Variants in P2RY8 observed in about 807,000 individuals in gnomAD.
The protein encoded by P2RY8 is S-geranylgeranyl-glutathione receptor P2RY8.
In P2RY8, 6 loss-of-function variants were observed where a neutral mutation model predicts 10.0. The observed-to-expected ratio is 0.60, with a 90% confidence interval of 0.33 to 1.19. The LOEUF (loss-of-function observed/expected upper bound fraction) is 1.19. Among genes scored for constraint, P2RY8 ranks in the 50% most tolerant of loss-of-function variants. The probability of loss-of-function intolerance (pLI) is 0.04; values close to 1 mark genes in which losing one functional copy is unlikely to be tolerated. For synonymous variants in P2RY8, 276 were observed against 252.5 expected, an observed-to-expected ratio of 1.09 and a Z score of -0.88; for missense variants, 456 against 542.0, an observed-to-expected ratio of 0.84 and a Z score of 1.58.
Position 1,502,881 on chromosome X carries a change from A to G in P2RY8, c.-25+34040T>C, listed in dbSNP as rs376126034. On this transcript the variant is annotated intron_variant, in intron 1 of 1. Coordinates refer to ENST00000381297, the MANE Select transcript of P2RY8 (RefSeq NM_178129.5). Reference sequence around the variant, plus strand: ...CTGGAGCCCCCAGGAGCTGGGAGAGACAGGAAGGAGCCTCCGGAGGGAACT... The same window carrying G: ...CTGGAGCCCCCAGGAGCTGGGAGAGGCAGGAAGGAGCCTCCGGAGGGAACT... Among the ~76,000 whole-genome samples the G allele has an allele frequency of 2.4e-4, 36 of 149,960 alleles. 1 individual carries two copies. The highest frequency in any genetic ancestry group is 4.2e-4 in the South Asian group (2 of 4,722).
chrX:1,467,921 C>A (rs1365337572), intron 1 of P2RY8, among the ~76,000 whole-genome samples: 1 of 152,144 alleles, frequency 6.6e-6, no homozygotes, highest in Non-Finnish European at 1.5e-5. Flanking sequence ...TCAAGCAATC[C>A]TCCTGCCTCA....
At chrX:1,472,454 G>A (rs67874407) in intron 1 of P2RY8, among the ~76,000 whole-genome samples, 57,633 of 116,878 alleles carry the variant, frequency 0.49, 14,574 homozygotes, top group South Asian at 0.62. Context: ...ATGGGTGGGT[G>A]AGTGGATGAG....
At chrX:1,466,719 C>CCTCT in intron 1 of P2RY8, 137 bp from the exon 2 acceptor site, 3 of 702,898 alleles carry the variant, frequency 4.3e-6, no homozygotes, top group Non-Finnish European at 6.9e-6. Flanking sequence ...CTCCTCCCTC[C>CCTCT]CTCCCTCCCT....
chrX:1,486,926 C>A (rs1379919338), intron 1 of P2RY8, among the ~76,000 whole-genome samples: 1 of 152,232 alleles, frequency 6.6e-6, no homozygotes. Flanking sequence ...CCGGTCACAG[C>A]CAGGCTGACC....
chrX:1,469,299 G>A (rs1406056838), intron 1 of P2RY8, among the ~76,000 whole-genome samples: 2 of 150,454 alleles, frequency 1.3e-5, no homozygotes, highest in African/African-American at 4.9e-5. Flanking sequence ...GAGTAGCTGG[G>A]ATTACATGCA....
chrX:1,525,397 C>T (rs1297074980), intron 1 of P2RY8, among the ~76,000 whole-genome samples: 71 of 152,268 alleles, frequency 4.7e-4, no homozygotes, highest in African/African-American at 1.6e-3. Flanking sequence ...GGGACGCAGA[C>T]ATGCACAGAG....
At chrX:1,509,803 A>ATCATGTATCCATCCAT (rs2092284093) in intron 1 of P2RY8, among the ~76,000 whole-genome samples, 4 of 63,340 alleles carry the variant, frequency 6.3e-5, no homozygotes, top group African/African-American at 1.7e-4. Flanking sequence ...CATCCTATCT[A>ATCATGTATCCATCCAT]TCTATCTATC....
chrX:1,465,998 C>T lies in P2RY8; in HGVS notation c.561G>A (p.Val187=), dbSNP rs200621653. ...TGAAGAGGAACACGGCCCACATGGC[C>T]ACGCTGGGGAGCATCGTCCACTTGA... ...DVLKWTMLPS[V]AMWAVFLFTI... Residue 187 remains valine, a synonymous_variant, in exon 2 of 2, where the codon GTG becomes GTA. Transcript: ENST00000381297. The T allele has an allele frequency of 8.1e-6, 13 of 1,612,194 alleles. No individual in the cohort carries two copies. The highest frequency in any genetic ancestry group is 3.9e-4 in the Middle Eastern group (2 of 5,100).
At chrX:1,488,747 T>TGTGC (rs2092011299) in intron 1 of P2RY8, among the ~76,000 whole-genome samples, 1 of 151,858 alleles carries the variant, frequency 6.6e-6, no homozygotes, top group South Asian at 2.1e-4. Context: ...TGTGTGTGTG[T>TGTGC]GTGTGTGTGT....
Position 1,537,012 on chromosome X carries a change from G to A in P2RY8, c.-116C>T. On this transcript the variant is annotated 5_prime_UTR_variant, in exon 1 of 2. Transcript: ENST00000381297. Reference sequence around the variant, plus strand: ...CGCTTAAGTCGACGGCCGTGCCTCAGAGCCCGGGACTCGGGGGGCCAGCCA... The same window carrying A: ...CGCTTAAGTCGACGGCCGTGCCTCAAAGCCCGGGACTCGGGGGGCCAGCCA... 1 of 232,408 alleles carries A rather than the reference G, an allele frequency of 4.3e-6. No homozygotes were observed. Among genetic ancestry groups the A allele is most frequent in the Non-Finnish European group, 8.5e-6 (1 of 117,552 alleles). The allele number at this position is 232,408 out of a possible 1,614,324, so 14.4% of individuals were successfully genotyped here.
chrX:1,480,896 C>A, intron 1 of P2RY8, among the ~76,000 whole-genome samples: 1 of 150,118 alleles, frequency 6.7e-6, no homozygotes, highest in African/African-American at 2.5e-5. Flanking sequence ...TCTTAAGATT[C>A]AACCACTGGA....
Position 1,466,544 on chromosome X carries a change from G to C in P2RY8, c.15C>G (p.Asn5Lys). 6.2e-7 allele frequency: 1 copy of C among 1,606,740 alleles called. No individual in the cohort carries two copies. Among genetic ancestry groups the C allele is most frequent in the Non-Finnish European group, 8.5e-7 (1 of 1,178,696 alleles). Residue 5 changes from asparagine (N) to lysine (K), a missense_variant, in exon 2 of 2, where the codon AAC becomes AAG. Asn to Lys is a moderately conservative substitution (Grantham distance 94). Transcript: ENST00000381297. Reference protein sequence around the residue: MQVPNSTGPDNATLQ... With the variant: MQVPKSTGPDNATLQ... ...GCGTCGCGTTGTCCGGGCCGGTGCT[G>C]TTCGGGACCTGCATCCTGGAGGGGT...
At chrX:1,535,253 T>A (rs1374737902) in intron 1 of P2RY8, among the ~76,000 whole-genome samples, 2 of 133,414 alleles carry the variant, frequency 1.5e-5, no homozygotes, top group Admixed American at 1.8e-4. Context: ...AGTGGCGCGA[T>A]CTTGGCTCAC....
chrX:1,498,331 G>A lies in P2RY8; in HGVS notation c.-24-31749C>T, dbSNP rs1172153505. Among the ~76,000 whole-genome samples, 7 of 147,980 alleles carry A rather than the reference G, an allele frequency of 4.7e-5. No homozygotes were observed. In the East Asian group the frequency reaches 1.2e-3, roughly 26 times the overall value. On this transcript the variant is annotated intron_variant, in intron 1 of 1. Transcript: ENST00000381297. ...TGAGGCAGGAGAATGGCGTGAACCT[G>A]GGAGGCGGAGCTTGCAGTGAGCCGA... is the stretch of plus-strand genomic sequence containing the variant.
At chrX:1,485,278 C>T (rs1362002333) in intron 1 of P2RY8, among the ~76,000 whole-genome samples, 1 of 152,008 alleles carries the variant, frequency 6.6e-6, no homozygotes, top group African/African-American at 2.4e-5. Context: ...GCTGGAACTA[C>T]AGGTGTGCAC....
chrX:1,503,186 G>T (rs1251773842), intron 1 of P2RY8, among the ~76,000 whole-genome samples: 1 of 152,068 alleles, frequency 6.6e-6, no homozygotes, highest in Non-Finnish European at 1.5e-5. Context: ...GGGATGCCTG[G>T]AGCCCCCAGG....
intron 1 of P2RY8, among the ~76,000 whole-genome samples, chrX:1,533,832 C>A (rs1179642795): frequency 1.8e-5 from 2 of 114,032 alleles, no homozygotes; most frequent in Non-Finnish European, 3.3e-5. Context: ...ATATTATATA[C>A]TTATATTTAT....
rs184543022 is a variant in P2RY8, at chrX:1,478,542, G to A, written c.-24-11960C>T. On this transcript the variant is annotated intron_variant, in intron 1 of 1. Transcript: ENST00000381297. ...TGTCCAGGCTGGAGTGAAGTGGCACGATCTCGGCTCACTGCAACCTCCGCC... is the reference window on the plus strand; with the variant it reads ...TGTCCAGGCTGGAGTGAAGTGGCACAATCTCGGCTCACTGCAACCTCCGCC... Among the ~76,000 whole-genome samples, 465 of 151,884 alleles carry A rather than the reference G, an allele frequency of 3.1e-3. 2 individuals carry two copies. Among genetic ancestry groups the A allele is most frequent in the African/African-American group, 0.011 (439 of 41,390 alleles).
intron 1 of P2RY8, among the ~76,000 whole-genome samples, chrX:1,471,756 C>G (rs1195242239): frequency 6.6e-6 from 1 of 152,108 alleles, no homozygotes; most frequent in Non-Finnish European, 1.5e-5. Flanking sequence ...GAGAAATAGA[C>G]AAAAGGCATC....
Sources: gnomAD v4.1 joint callset for allele counts (sites outside exome capture counted in the v4.1 genomes callset) on GRCh38, gnomAD v4.1.1 for gene constraint, MANE v1.5 for transcripts, NCBI Gene and HGNC (gene_info 2026-07-23, HGNC 2026-07-21) for gene names.